The following FRZB variants were observed in gnomAD, a reference collection of about 807,000 sequenced individuals.
The protein encoded by FRZB is secreted frizzled-related protein 3.
Under a neutral mutation model 32.5 loss-of-function variants are expected in FRZB, and 34 were observed. The ratio of observed to expected loss-of-function variants is 1.05; its 90% CI spans 0.80 to 1.39. FRZB has a LOEUF of 1.39. Ranked by LOEUF, FRZB falls within the 40% of genes most tolerant of loss-of-function variation. FRZB has a pLI of 0.00. For synonymous variants in FRZB, 170 were observed against 159.2 expected, an observed-to-expected ratio of 1.07 and a Z score of -0.51; for missense variants, 423 against 424.8, an observed-to-expected ratio of 1.00 and a Z score of 0.04.
rs560162571 is a variant in FRZB at position 182,833,706 on chromosome 2, C to T, written c.*1143G>A. On this transcript the variant is annotated 3_prime_UTR_variant, in exon 6 of 6. Coordinates refer to ENST00000295113, the MANE Select transcript of FRZB (RefSeq NM_001463.4). Reference sequence around the variant, plus strand: ...CTCCTGACAACCATAATTCATTTTACTAGACATTTTTCGCTGAGCATTAAG... The same window carrying T: ...CTCCTGACAACCATAATTCATTTTATTAGACATTTTTCGCTGAGCATTAAG... The T allele has an allele frequency of 6.6e-6, 1 of 152,228 alleles. No individual in the cohort carries two copies. The highest frequency in any genetic ancestry group is 1.9e-4 in the East Asian group (1 of 5,162). 9.4% of individuals were successfully genotyped at this position (152,228 alleles called of 1,614,324 possible). A position where few individuals can be genotyped will look rare whatever the true frequency, so the allele number is the denominator to read the frequency against.
rs1411855112 is a variant in FRZB, at chr2:182,834,828, T to C, written c.*21A>G. The C allele has an allele frequency of 1.3e-6, 2 of 1,563,884 alleles. No individual in the cohort carries two copies. The highest frequency in any genetic ancestry group is 2.2e-5 in the South Asian group (2 of 90,068). ...AAGTCTTAATAGGAAGTCCACTGTG[T>C]TACTTTTTGTATTTCGGGATTTAGT... On this transcript the variant is annotated 3_prime_UTR_variant, in exon 6 of 6. Coordinates refer to ENST00000295113, the MANE Select transcript of FRZB (RefSeq NM_001463.4).
chr2:182,842,443 A>T lies in FRZB; in HGVS notation c.592+35T>A, dbSNP rs376289318. The T allele has an allele frequency of 1.5e-5, 22 of 1,473,152 alleles. 1 individual carries two copies. In the African/African-American group the frequency reaches 2.8e-4, roughly 19 times the overall value. The allele number at this position is 1,473,152 out of a possible 1,614,324, so 91.3% of individuals were successfully genotyped here. A position where few individuals can be genotyped will look rare whatever the true frequency, so the allele number is the denominator to read the frequency against. On this transcript the variant is annotated intron_variant, in intron 3 of 5. Transcript: ENST00000295113. ...TGCATCCACACACCTCTCTTAACACAGCAGTTTATACATCAACCATGAAAT... is the reference window on the plus strand; with the variant it reads ...TGCATCCACACACCTCTCTTAACACTGCAGTTTATACATCAACCATGAAAT...
At chr2:182,858,924 G>C (rs1574988786) in intron 1 of FRZB, 91 bp from the exon 2 acceptor site, 2 of 1,071,334 alleles carry the variant, frequency 1.9e-6, no homozygotes, top group East Asian at 4.7e-5. Context: ...AGTTTGATTT[G>C]GGTAAGAATC....
In FRZB at chr2:182,834,373, T is replaced by C. The variant is rs752730928; in HGVS notation, c.*476A>G. 6.5e-6 allele frequency: 1 copy of C among 154,418 alleles called. No homozygotes were observed. The allele number at this position is 154,418 out of a possible 1,614,324, so 9.6% of individuals were successfully genotyped here. On this transcript the variant is annotated 3_prime_UTR_variant, in exon 6 of 6. Coordinates refer to ENST00000295113, the MANE Select transcript of FRZB (RefSeq NM_001463.4). ...ACCTTTATAAACATTTGGAACTTTC[T>C]AAGCATGAGGAGAATGCCCAAAAGG...
chr2:182,849,155 G>C (rs112607840), intron 2 of FRZB, among the ~76,000 whole-genome samples: 7,907 of 151,940 alleles, frequency 0.052, 269 homozygotes, highest in Non-Finnish European at 0.076. Flanking sequence ...TGAACCCGGG[G>C]GGTGGAGCTT....
Position 182,856,891 on chromosome 2 carries a change from A to G in FRZB, c.526+1895T>C, listed in dbSNP as rs376650868. Among the ~76,000 whole-genome samples the G allele has an allele frequency of 3.3e-3, 503 of 152,302 alleles. 3 individuals are homozygous for G. The highest frequency in any genetic ancestry group is 0.012 in the African/African-American group (481 of 41,578). The stretch of plus-strand genomic sequence containing the variant: ...AGACCTAATCACCCTTCTCTCGGTA[A>G]TCAATAGATCTAGTAGACAGAAAAT... On this transcript the variant is annotated intron_variant, in intron 2 of 5. Transcript: ENST00000295113.
At chr2:182,858,556 A>G (rs1358043658) in intron 2 of FRZB, among the ~76,000 whole-genome samples, 1 of 152,102 alleles carries the variant, frequency 6.6e-6, no homozygotes, top group Non-Finnish European at 1.5e-5. Flanking sequence ...GGTTACATAA[A>G]TCTCTACATA....
intron 2 of FRZB, among the ~76,000 whole-genome samples, chr2:182,855,172 G>C (rs961912819): frequency 6.6e-6 from 1 of 152,124 alleles, no homozygotes; most frequent in African/African-American, 2.4e-5. Flanking sequence ...TAGGTTAACT[G>C]TTGCTAAAAT....
chr2:182,840,702 T>C (rs1695577756), intron 3 of FRZB, among the ~76,000 whole-genome samples: 1 of 152,202 alleles, frequency 6.6e-6, no homozygotes, highest in African/African-American at 2.4e-5. Context: ...CCTGAAACTA[T>C]GATCAACTTA....
intron 1 of FRZB, among the ~76,000 whole-genome samples, chr2:182,863,483 A>T (rs1267362093): frequency 1.3e-5 from 2 of 152,276 alleles, no homozygotes; most frequent in African/African-American, 4.8e-5. Context: ...CTGCTTTGTA[A>T]AAGGTCCTAA....
At chr2:182,854,903 G>C (rs919732654) in intron 2 of FRZB, among the ~76,000 whole-genome samples, 1 of 152,198 alleles carries the variant, frequency 6.6e-6, no homozygotes, top group Non-Finnish European at 1.5e-5. Context: ...AGATAAAGGA[G>C]CCTGGGAAAG....
intron 1 of FRZB, among the ~76,000 whole-genome samples, chr2:182,859,217 A>G (rs1338980586): frequency 6.6e-6 from 1 of 152,130 alleles, no homozygotes; most frequent in Non-Finnish European, 1.5e-5. Context: ...ATCTTCAATA[A>G]ATGGACATAT....
chr2:182,864,732 C>T (rs1382970973), intron 1 of FRZB, among the ~76,000 whole-genome samples: 3 of 152,052 alleles, frequency 2.0e-5, no homozygotes, highest in Admixed American at 1.3e-4. Flanking sequence ...ATCAATTTCC[C>T]GATAACTAAG....
At chr2:182,860,991 C>A (rs1480064863) in intron 1 of FRZB, among the ~76,000 whole-genome samples, 1 of 151,996 alleles carries the variant, frequency 6.6e-6, no homozygotes, top group African/African-American at 2.4e-5. Context: ...TGAGTTCACG[C>A]TGGGGCATGC....
Position 182,834,187 on chromosome 2 carries a change from T to G in FRZB, c.*662A>C, listed in dbSNP as rs1022544593. On this transcript the variant is annotated 3_prime_UTR_variant, in exon 6 of 6. Transcript: ENST00000295113. ...ACACCCCAGCGGCTACTGGTTTCAGTTGTGCTTCTCAATCAGGCAAAATGT... is the reference window on the plus strand; with the variant it reads ...ACACCCCAGCGGCTACTGGTTTCAGGTGTGCTTCTCAATCAGGCAAAATGT... The G allele has an allele frequency of 3.9e-5, 6 of 152,270 alleles. No homozygotes were observed. The highest frequency in any genetic ancestry group is 2.1e-4 in the South Asian group (1 of 4,834). 9.4% of individuals were successfully genotyped at this position (152,270 alleles called of 1,614,324 possible).
Position 182,848,013 on chromosome 2 carries a change from G to A in FRZB, c.527-5470C>T, listed in dbSNP as rs113355694. On this transcript the variant is annotated intron_variant, in intron 2 of 5. Coordinates refer to ENST00000295113, the MANE Select transcript of FRZB (RefSeq NM_001463.4). The stretch of plus-strand genomic sequence containing the variant: ...CCATGATATCTCACATAGACAAGAA[G>A]GCCAGAGGCTTAGCAGATAGTAAGC... Among the ~76,000 whole-genome samples, 6 of 151,532 alleles carry A rather than the reference G, an allele frequency of 4.0e-5. 1 individual carries two copies. Among genetic ancestry groups the A allele is most frequent in the African/African-American group, 1.5e-4 (6 of 41,244 alleles).
At position 182,842,542 on chromosome 2, in the gene FRZB, T is replaced by C. The variant is rs1695597933; in HGVS notation, c.528A>G (p.Glu176=). 1 of 1,610,140 alleles carries C rather than the reference T, an allele frequency of 6.2e-7. No homozygotes were observed. The highest frequency in any genetic ancestry group is 1.3e-5 in the African/African-American group (1 of 74,794). The change falls in exon 3 of 6, where the codon GAA becomes GAG. Residue 176 remains glutamate, a splice_region_variant and synonymous_variant. Transcript: ENST00000295113. ...SNGNCRGASS[E]RCKCKPIRAT... is the part of the protein sequence containing the mutation. ...CTCTAATAGGCTTACATTTACAGCG[T>C]TCTGAAAAACACATTTTAGTTATAA...
chr2:182,842,662 A>G, intron 2 of FRZB, 119 bp from the exon 3 acceptor site: 3 of 680,374 alleles, frequency 4.4e-6, no homozygotes, highest in Non-Finnish European at 7.7e-6. Flanking sequence ...GCTCTTGTCA[A>G]TTCTGTGTGT....
chr2:182,865,561 T>C (rs1695881077), intron 1 of FRZB, among the ~76,000 whole-genome samples: 1 of 152,214 alleles, frequency 6.6e-6, no homozygotes, highest in South Asian at 2.1e-4. Context: ...TGAAATTATC[T>C]TGGCATTTTT....
Sources: gnomAD v4.1 joint callset for allele counts (sites outside exome capture counted in the v4.1 genomes callset) on GRCh38, gnomAD v4.1.1 for gene constraint, MANE v1.5 for transcripts, NCBI Gene and HGNC (gene_info 2026-07-23, HGNC 2026-07-21) for gene names.